Variants in GLCCI1 observed in about 807,000 individuals in gnomAD.
The protein encoded by GLCCI1 is glucocorticoid induced 1, also known as glucocorticoid-induced transcript 1 protein.
Under a neutral mutation model 52.2 loss-of-function variants are expected in GLCCI1, and 24 were observed. The observed-to-expected ratio is 0.46, with a 90% CI of 0.33 to 0.65. The LOEUF is 0.65. Among genes scored for constraint, GLCCI1 ranks in the 30% least tolerant of loss-of-function variants. The pLI, the probability that GLCCI1 is intolerant of heterozygous loss-of-function variation, is 0.02. For synonymous variants in GLCCI1, 310 were observed against 276.5 expected, an observed-to-expected ratio of 1.12 and a Z score of -1.20; for missense variants, 704 against 701.5, an observed-to-expected ratio of 1.00 and a Z score of -0.04.
intron 1 of GLCCI1, among the ~76,000 whole-genome samples, chr7:7,999,973 T>TAA (rs1781020625): frequency 6.6e-6 from 1 of 152,226 alleles, no homozygotes; most frequent in Non-Finnish European, 1.5e-5. Context: ...GTTTATTTAC[T>TAA]AAACTAAAAG....
intron 3 of GLCCI1, among the ~76,000 whole-genome samples, chr7:8,050,786 G>A (rs1423668906): frequency 1.3e-5 from 2 of 152,138 alleles, no homozygotes; most frequent in South Asian, 2.1e-4. Flanking sequence ...TCCACTTACT[G>A]AGTCCAAACA....
At position 7,969,834 on chromosome 7, in the gene GLCCI1, C is replaced by T. The variant is rs893759649; in HGVS notation, c.457+27C>T. The T allele has an allele frequency of 7.1e-7, 1 of 1,405,366 alleles. No homozygotes were observed. The highest frequency in any genetic ancestry group is 9.3e-7 in the Non-Finnish European group (1 of 1,075,894). The allele number at this position is 1,405,366 out of a possible 1,614,324, so 87.1% of individuals were successfully genotyped here. ...TAGCGAGCCCAACCCTCCCGTCCTC[C>T]CGGGCTGCGTCTCCCCGACGGTGCC... is the stretch of plus-strand genomic sequence containing the variant. On this transcript the variant is annotated intron_variant, in intron 1 of 7. Transcript: ENST00000223145. This position sits in a 1 kb window ranked among gnomAD's most constrained non-coding sequence, Gnocchi z 4.9.
At chr7:8,010,685 T>C (rs1408837674) in intron 2 of GLCCI1, among the ~76,000 whole-genome samples, 2 of 152,200 alleles carry the variant, frequency 1.3e-5, no homozygotes, top group African/African-American at 2.4e-5. Context: ...AAATAATCCA[T>C]AATATAGAAG....
chr7:7,991,142 C>T (rs905345793), intron 1 of GLCCI1, among the ~76,000 whole-genome samples: 2 of 152,130 alleles, frequency 1.3e-5, no homozygotes, highest in Non-Finnish European at 2.9e-5. Flanking sequence ...CTTTCCCCTT[C>T]ATCTCTTCTA....
chr7:7,998,202 T>G (rs1296430047), intron 1 of GLCCI1, among the ~76,000 whole-genome samples: 1 of 151,320 alleles, frequency 6.6e-6, no homozygotes, highest in Admixed American at 6.6e-5. Context: ...GTTGTTGTTG[T>G]TTTTTGTTTT....
intron 1 of GLCCI1, among the ~76,000 whole-genome samples, chr7:7,979,834 G>A (rs1219393491): frequency 3.3e-5 from 5 of 152,342 alleles, no homozygotes; most frequent in East Asian, 3.9e-4. Context: ...AGAATGGGAA[G>A]TGACAAACTT....
Position 8,084,986 on chromosome 7 carries a change from T to G in GLCCI1, c.1267T>G (p.Cys423Gly). The G allele has an allele frequency of 6.2e-7, 1 of 1,614,122 alleles. No individual in the cohort carries two copies. ...GTTCAAACGGGAGCCCCCAGAGGGA[T>G]GTGAGCGAGTGAAGGTCTTTGAGGA... ...YMFKREPPEG[C>G]ERVKVFEEMA... Residue 423 changes from cysteine to glycine, a missense_variant, in exon 7 of 8, where the codon TGT becomes GGT. By Grantham distance (159) the Cys-to-Gly change is radical. This residue lies in a region of GLCCI1 where 149 missense variants were observed against 152.9 expected (regional missense o/e 0.97). Transcript: ENST00000223145.
At chr7:8,008,902 T>G (rs1206697113) in intron 2 of GLCCI1, among the ~76,000 whole-genome samples, 1 of 152,170 alleles carries the variant, frequency 6.6e-6, no homozygotes, top group Non-Finnish European at 1.5e-5. Context: ...TGAACAGTTT[T>G]TTTTTTAACT....
intron 5 of GLCCI1, among the ~76,000 whole-genome samples, chr7:8,063,615 C>CTTTTT (rs917291629): frequency 4.4e-5 from 5 of 113,662 alleles, no homozygotes; most frequent in Admixed American, 2.0e-4. Context: ...ACTTTTCTTC[C>CTTTTT]TTTTTTTTTT....
At position 8,086,378 on chromosome 7, in the gene GLCCI1, A is replaced by G. The variant is rs766184284; in HGVS notation, c.1484A>G (p.Glu495Gly). 1.9e-6 allele frequency: 3 copies of G among 1,613,996 alleles called. No homozygotes were observed. In the African/African-American group the frequency reaches 4.0e-5, roughly 22 times the overall value. ...TCAGCTTTGGCAACTCTGACCGTTGAGCAGCTCTCATCCCGGGTTTCCTTT... is the reference window on the plus strand; with the variant it reads ...TCAGCTTTGGCAACTCTGACCGTTGGGCAGCTCTCATCCCGGGTTTCCTTT... ...QSSALATLTVEQLSSRVSFTS... is the reference protein window; with the variant it reads ...QSSALATLTVGQLSSRVSFTS... Residue 495 changes from glutamate (E) to glycine (G), a missense_variant, in exon 8 of 8, where the codon GAG becomes GGG. This residue lies in a region of GLCCI1 where 149 missense variants were observed against 152.9 expected (regional missense o/e 0.97). Transcript: ENST00000223145. This position sits in a 1 kb window ranked among gnomAD's most constrained non-coding sequence, Gnocchi z 4.4.
chr7:7,988,291 T>C (rs1406084827), intron 1 of GLCCI1, among the ~76,000 whole-genome samples: 1 of 152,226 alleles, frequency 6.6e-6, no homozygotes, highest in Non-Finnish European at 1.5e-5. Flanking sequence ...TTGTTTTGTT[T>C]TGTTTTGTTT....
chr7:8,069,659 C>G (rs2127964158), intron 5 of GLCCI1, among the ~76,000 whole-genome samples: 1 of 152,280 alleles, frequency 6.6e-6, no homozygotes, highest in Middle Eastern at 3.4e-3. Flanking sequence ...CTCTCTGTTT[C>G]TTCTCTACTC....
rs139603373 is a variant in GLCCI1, at chr7:8,021,116, G to A, written c.610-1367G>A. ...ATTCAGCTAGCATTCAGTTGTTAAC[G>A]GTTTTTTTGAATATCATTGCTTTTA... On this transcript the variant is annotated intron_variant, in intron 2 of 7. Coordinates refer to ENST00000223145, the MANE Select transcript of GLCCI1 (RefSeq NM_138426.4). Among the ~76,000 whole-genome samples, 137 of 152,090 alleles carry A rather than the reference G, an allele frequency of 9.0e-4. 1 individual carries two copies. The highest frequency in any genetic ancestry group is 3.2e-3 in the African/African-American group (134 of 41,506).
At chr7:8,010,896 T>A (rs1032977540) in intron 2 of GLCCI1, among the ~76,000 whole-genome samples, 4 of 151,366 alleles carry the variant, frequency 2.6e-5, no homozygotes. Context: ...TGGGCATCTC[T>A]CCTTATAACA....
intron 3 of GLCCI1, among the ~76,000 whole-genome samples, chr7:8,038,069 G>A (rs1413537254): frequency 1.3e-5 from 2 of 152,116 alleles, no homozygotes; most frequent in African/African-American, 2.4e-5. Context: ...AATATTCACA[G>A]CAGCCATAGA....
At chr7:8,079,726 TGAG>T (rs1562453425) in intron 6 of GLCCI1, among the ~76,000 whole-genome samples, 1 of 151,482 alleles carries the variant, frequency 6.6e-6, no homozygotes, top group East Asian at 1.9e-4. Context: ...ACTTATGGAA[TGAG>T]AAGTGATTAC....
chr7:7,974,832 T>C (rs866051384), intron 1 of GLCCI1, among the ~76,000 whole-genome samples: 2 of 152,332 alleles, frequency 1.3e-5, no homozygotes, highest in African/African-American at 4.8e-5. Context: ...TAAGATAGAC[T>C]TTCTGGCAGC....
In GLCCI1 at chr7:8,034,674, A is replaced by G. The variant is rs1781826940; in HGVS notation, c.696+12105A>G. Reference sequence around the variant, plus strand: ...ATAACTTGAATAGAATATCAAGGGGAGAGTGCTGGAGTCCAGTGGAGAACT... The same window carrying G: ...ATAACTTGAATAGAATATCAAGGGGGGAGTGCTGGAGTCCAGTGGAGAACT... On this transcript the variant is annotated intron_variant, in intron 3 of 7. Transcript: ENST00000223145. 2.0e-5 allele frequency among the ~76,000 whole-genome samples: 3 copies of G among 152,186 alleles called. No individual in the cohort carries two copies. The South Asian group carries it at 6.2e-4, about 31-fold the overall frequency.
chr7:8,011,718 T>G (rs1030691237), intron 2 of GLCCI1, among the ~76,000 whole-genome samples: 1 of 152,204 alleles, frequency 6.6e-6, no homozygotes, highest in East Asian at 1.9e-4. Flanking sequence ...GATGAACTGA[T>G]GTACTGTCTT....
Sources: allele counts gnomAD v4.1 joint callset (sites outside exome capture counted in the v4.1 genomes callset), GRCh38; gene constraint gnomAD v4.1.1; regional missense constraint gnomAD v4.1.1; non-coding constraint Gnocchi (gnomAD v3.1); transcripts MANE v1.5; gene names NCBI Gene and HGNC (gene_info 2026-07-23, HGNC 2026-07-21).